IGSF9B: variants seen among roughly 807,000 people sequenced by gnomAD.
The protein encoded by IGSF9B is protein turtle homolog B.
IGSF9B carries 48 observed loss-of-function variants against 143.7 expected under a neutral mutation model. The ratio of observed to expected loss-of-function variants is 0.33; its 90% CI spans 0.26 to 0.42. IGSF9B has a LOEUF of 0.42. Ranked by LOEUF, IGSF9B falls within the 20% of genes least tolerant of loss-of-function variation. The probability of loss-of-function intolerance (pLI) is 1.00; values close to 1 mark genes in which losing one functional copy is unlikely to be tolerated. For missense variants in IGSF9B, 1,706 were observed against 1,980.0 expected (o/e 0.86, Z 2.63); for synonymous variants, 903 against 833.1 (o/e 1.08, Z -1.44).
In IGSF9B at chr11:133,907,147, T is replaced by C. The variant is rs535216066; in HGVS notation, c.*1922A>G. 6.6e-6 allele frequency among the ~76,000 whole-genome samples: 1 copy of C among 152,284 alleles called. No homozygotes were observed. The highest frequency in any genetic ancestry group is 1.9e-4 in the East Asian group (1 of 5,172). On this transcript the variant is annotated 3_prime_UTR_variant, in exon 20 of 20. Transcript: ENST00000533871. ...AAGCCCCTGCGTGCCTCTCTCACCA[T>C]GACCCCTTCAGATGTGTTCAGAAAG...
chr11:133,956,949 G>C lies in IGSF9B; in HGVS notation c.-195C>G. On this transcript the variant is annotated 5_prime_UTR_variant, in exon 1 of 20. Transcript: ENST00000533871. ...GCTCGGCGCGCGCCTCCCCGGCCCC[G>C]GCGCAGCGGCACCTGCACTACTCGC... The C allele has an allele frequency of 2.7e-6, 1 of 375,684 alleles. No individual in the cohort carries two copies. The highest frequency in any genetic ancestry group is 4.8e-6 in the Non-Finnish European group (1 of 209,868). 23.3% of individuals were successfully genotyped at this position (375,684 alleles called of 1,614,324 possible). A position where few individuals can be genotyped will look rare whatever the true frequency, so the allele number is the denominator to read the frequency against.
chr11:133,922,772 C>T lies in IGSF9B; in HGVS notation c.2120-42G>A, dbSNP rs148572006. 974 of 1,513,470 alleles carry T rather than the reference C, an allele frequency of 6.4e-4. 12 individuals carry two copies. In the East Asian group the frequency reaches 0.017, roughly 26 times the overall value. The allele number at this position is 1,513,470 out of a possible 1,614,324, so 93.8% of individuals were successfully genotyped here. ...GAGCACTCATGAGCCCATCCTTCCCCGGGACCTCACCTGCTCCGACCTTCA... is the reference window on the plus strand; with the variant it reads ...GAGCACTCATGAGCCCATCCTTCCCTGGGACCTCACCTGCTCCGACCTTCA... On this transcript the variant is annotated intron_variant, in intron 15 of 19. Coordinates refer to ENST00000533871, the MANE Select transcript of IGSF9B (RefSeq NM_001277285.4).
rs997955102 is a variant in IGSF9B at position 133,907,536 on chromosome 11, G to A, written c.*1533C>T. 6.6e-6 allele frequency among the ~76,000 whole-genome samples: 1 copy of A among 152,214 alleles called. No homozygotes were observed. Among genetic ancestry groups the A allele is most frequent in the Non-Finnish European group, 1.5e-5 (1 of 68,042 alleles). On this transcript the variant is annotated 3_prime_UTR_variant, in exon 20 of 20. Transcript: ENST00000533871. ...GGGGGGCTCCTACACAAGAGTGGGG[G>A]AGGGGCAGATCTCCCCTCCACCCCG...
At chr11:133,916,820 A>C (rs974670747) in intron 18 of IGSF9B, among the ~76,000 whole-genome samples, 1 of 152,072 alleles carries the variant, frequency 6.6e-6, no homozygotes, top group Non-Finnish European at 1.5e-5. Context: ...TGGAGGAGTC[A>C]CAGCTGGGAC....
At chr11:133,935,540 C>A in intron 7 of IGSF9B, 77 bp downstream of exon 7, 2 of 1,448,750 alleles carry the variant, frequency 1.4e-6, no homozygotes, top group South Asian at 1.4e-5. Flanking sequence ...TCTTTGCTAC[C>A]CTCCAGCCTA....
At position 133,931,973 on chromosome 11, in the gene IGSF9B, G is replaced by A. The variant is rs1939739677; in HGVS notation, c.1110+98C>T. 1.3e-6 allele frequency: 2 copies of A among 1,504,960 alleles called. No homozygotes were observed. Among genetic ancestry groups the A allele is most frequent in the Admixed American group, 4.5e-5 (2 of 44,940 alleles). 93.2% of individuals were successfully genotyped at this position (1,504,960 alleles called of 1,614,324 possible). ...CTCTGTTTGCCCAGGGCTTTTGGAA[G>A]GGGCCAGGAGTCCTGGCAGAAATCC... On this transcript the variant is annotated intron_variant, in intron 8 of 19. Transcript: ENST00000533871. This position sits in a 1 kb window ranked among gnomAD's most constrained non-coding sequence, Gnocchi z 7.7.
At chr11:133,930,649 C>T (rs925616501) in intron 11 of IGSF9B, among the ~76,000 whole-genome samples, 12 of 152,186 alleles carry the variant, frequency 7.9e-5, no homozygotes, top group Non-Finnish European at 1.5e-4. Context: ...CTCCCTCATT[C>T]CAGCCCTCCA....
chr11:133,952,444 G>A (rs1262650006), intron 1 of IGSF9B, among the ~76,000 whole-genome samples: 2 of 152,180 alleles, frequency 1.3e-5, no homozygotes, highest in African/African-American at 4.8e-5. Flanking sequence ...TGGCTCCAAG[G>A]GTCTCTCTGC....
intron 14 of IGSF9B, 21 bp from the exon 15 acceptor site, chr11:133,924,925 C>G: frequency 6.2e-7 from 1 of 1,607,608 alleles, no homozygotes; most frequent in South Asian, 1.1e-5. Flanking sequence ...AGGGACAATA[C>G]CCAGTCAGCC....
At position 133,956,709 on chromosome 11, in the gene IGSF9B, G is replaced by A. The variant is rs1258941292; in HGVS notation, c.46C>T (p.Arg16Ter). The change falls in exon 1 of 20, where the codon CGA (arginine) becomes TGA (stop). Residue 16 changes from arginine (R) to a stop codon, truncating the protein, a stop_gained. Transcript: ENST00000533871. LOFTEE classifies it high-confidence loss of function. ...AACTCACCTTCAGCCGCAAGCCCTC[G>A]GGTGCCGATCACACTTGCTATGAAA... is the stretch of plus-strand genomic sequence containing the variant. ...ATFIASVIGT[R>*]GLAAEGAHGL... 6.5e-7 allele frequency: 1 copy of A among 1,547,234 alleles called. No homozygotes were observed. Among genetic ancestry groups the A allele is most frequent in the African/African-American group, 1.4e-5 (1 of 70,276 alleles).
rs1939613964 is a variant in IGSF9B at position 133,925,827 on chromosome 11, A to G, written c.1946T>C (p.Met649Thr). Residue 649 changes from methionine to threonine, a missense_variant, in exon 14 of 20, where the codon ATG (methionine) becomes ACG (threonine). Met to Thr is a moderately conservative substitution (Grantham distance 81, BLOSUM62 -1). Transcript: ENST00000533871. ...CCAGCGCTCTGCGACACGGAACTCC[A>G]TGATGTAGCGGTCGATGGGAAAGCT... is the stretch of plus-strand genomic sequence containing the variant. ...NHSFPIDRYIMEFRVAERWEL... is the reference protein window; with the variant it reads ...NHSFPIDRYITEFRVAERWEL... The G allele has an allele frequency of 1.2e-6, 2 of 1,613,498 alleles. No homozygotes were observed. Among genetic ancestry groups the G allele is most frequent in the Non-Finnish European group, 1.7e-6 (2 of 1,179,610 alleles).
chr11:133,932,003 C>A lies in IGSF9B; in HGVS notation c.1110+68G>T, dbSNP rs891975824. The A allele has an allele frequency of 3.9e-6, 6 of 1,554,166 alleles. No individual in the cohort carries two copies. In the Admixed American group the frequency reaches 1.1e-4, roughly 29 times the overall value. On this transcript the variant is annotated intron_variant, in intron 8 of 19. Transcript: ENST00000533871. ...CAGGAGTCCTGGCAGAAATCCAGAG[C>A]CCAGAGGTGGCATCACAGTACTGGG...
Position 133,908,340 on chromosome 11 carries a change from A to G in IGSF9B, c.*729T>C, listed in dbSNP as rs1331035689. Among the ~76,000 whole-genome samples the G allele has an allele frequency of 6.6e-6, 1 of 152,092 alleles. No individual in the cohort carries two copies. The highest frequency in any genetic ancestry group is 1.5e-5 in the Non-Finnish European group (1 of 68,020). On this transcript the variant is annotated 3_prime_UTR_variant, in exon 20 of 20. Coordinates refer to ENST00000533871, the MANE Select transcript of IGSF9B (RefSeq NM_001277285.4). ...TAACTCATTACTGAACCCCCATAGAAGGCAGCCGGTAATCACAGCAAGGCC... is the reference window on the plus strand; with the variant it reads ...TAACTCATTACTGAACCCCCATAGAGGGCAGCCGGTAATCACAGCAAGGCC...
At chr11:133,937,703 C>A in intron 4 of IGSF9B, 107 bp downstream of exon 4, 1 of 1,360,760 alleles carries the variant, frequency 7.3e-7, no homozygotes, top group Non-Finnish European at 1.0e-6. Context: ...GCTTTCCAGC[C>A]TCCTCTGTGC....
rs756204289 is a variant in IGSF9B, at chr11:133,906,803, C to T, written c.*2266G>A. On this transcript the variant is annotated 3_prime_UTR_variant, in exon 20 of 20. Transcript: ENST00000533871. ...TGCATCCCAGGGCCTGGCTGAGCCC[C>T]GTGAGCTCCTCTGGGGTAGAAATCT... 6.6e-5 allele frequency among the ~76,000 whole-genome samples: 10 copies of T among 152,126 alleles called. No individual in the cohort carries two copies. The highest frequency in any genetic ancestry group is 9.7e-5 in the African/African-American group (4 of 41,410).
chr11:133,908,642 C>G lies in IGSF9B; in HGVS notation c.*427G>C, dbSNP rs1939250294. 1 of 173,000 alleles carries G rather than the reference C, an allele frequency of 5.8e-6. No homozygotes were observed. The highest frequency in any genetic ancestry group is 5.5e-5 in the Admixed American group (1 of 18,044). The allele number at this position is 173,000 out of a possible 1,614,324, so 10.7% of individuals were successfully genotyped here. ...ACACTACAGACATATGCATCTGTAT[C>G]TATATCTATATATATGTGGGGTGTG... On this transcript the variant is annotated 3_prime_UTR_variant, in exon 20 of 20. Transcript: ENST00000533871.
In IGSF9B at chr11:133,913,322, G is replaced by A. The variant is rs535084187; in HGVS notation, c.3984-1315C>T. On this transcript the variant is annotated intron_variant, in intron 18 of 19. Transcript: ENST00000533871. This position sits in a 1 kb window ranked among gnomAD's most constrained non-coding sequence, Gnocchi z 4.6. The stretch of plus-strand genomic sequence containing the variant: ...CCCCAAAGGTCAGCAAGCGGTCTGA[G>A]GTTAAAAAAAAAAATGTTAAGAGGG... Among the ~76,000 whole-genome samples, 28 of 151,880 alleles carry A rather than the reference G, an allele frequency of 1.8e-4. No homozygotes were observed. Among genetic ancestry groups the A allele is most frequent in the African/African-American group, 6.3e-4 (26 of 41,436 alleles).
rs1939491907 is a variant in IGSF9B at position 133,920,150 on chromosome 11, T to C, written c.3575A>G (p.His1192Arg). 1 of 1,510,256 alleles carries C rather than the reference T, an allele frequency of 6.6e-7. No homozygotes were observed. Among genetic ancestry groups the C allele is most frequent in the Non-Finnish European group, 8.9e-7 (1 of 1,129,092 alleles). 93.6% of individuals were successfully genotyped at this position (1,510,256 alleles called of 1,614,324 possible). Residue 1192 changes from histidine (H) to arginine (R), a missense_variant, in exon 18 of 20, where the codon CAT becomes CGT. Transcript: ENST00000533871. Reference sequence around the variant, plus strand: ...CCGGGAGGGCTGTAGCACCACTTGATGTAAACTGGGCTCGGCGCGCCTGGC... The same window carrying C: ...CCGGGAGGGCTGTAGCACCACTTGACGTAAACTGGGCTCGGCGCGCCTGGC... Reference protein sequence around the residue: ...RQARRAEPSLHQVVLQPSRLS... With the variant: ...RQARRAEPSLRQVVLQPSRLS...
chr11:133,920,629 T>C lies in IGSF9B; in HGVS notation c.3096A>G (p.Thr1032=), dbSNP rs536634479. Residue 1032 remains threonine (T), a synonymous_variant, in exon 18 of 20, where the codon ACA becomes ACG. Coordinates refer to ENST00000533871, the MANE Select transcript of IGSF9B (RefSeq NM_001277285.4). ...NSTLPLTQTP[T]GGRSPEPWGR... ...CCCAGGGCTCAGGGGAGCGCCCTCC[T>C]GTAGGTGTCTGAGTCAAGGGCAGCG... 1.9e-5 allele frequency: 31 copies of C among 1,613,440 alleles called. No individual in the cohort carries two copies. The Middle Eastern group carries it at 4.9e-4, about 26-fold the overall frequency.
Sources: allele counts gnomAD v4.1 joint callset (sites outside exome capture counted in the v4.1 genomes callset), GRCh38; gene constraint gnomAD v4.1.1; non-coding constraint Gnocchi (gnomAD v3.1); transcripts MANE v1.5; gene names NCBI Gene and HGNC (gene_info 2026-07-23, HGNC 2026-07-21).